ST6GALNAC3: variants seen among roughly 807,000 people sequenced by gnomAD.
ST6GALNAC3 encodes ST6 N-acetylgalactosaminide alpha-2,6-sialyltransferase 3, also known as alpha-N-acetylgalactosaminide alpha-2,6-sialyltransferase 3.
A neutral mutation model predicts 32.7 loss-of-function variants in ST6GALNAC3; 25 were observed. That is an observed-to-expected ratio of 0.76 (90% CI 0.56 to 1.07). ST6GALNAC3 has a LOEUF of 1.07. Ranked by LOEUF, ST6GALNAC3 falls within the 50% of genes least tolerant of loss-of-function variation. The pLI is 0.00. For missense variants in ST6GALNAC3, 355 were observed against 382.4 expected, an observed-to-expected ratio of 0.93 and a Z score of 0.60; for synonymous variants, 129 against 133.1, an observed-to-expected ratio of 0.97 and a Z score of 0.21.
chr1:76,367,777 G>A (rs866440428), intron 2 of ST6GALNAC3, among the ~76,000 whole-genome samples: 1 of 152,064 alleles, frequency 6.6e-6, no homozygotes, highest in African/African-American at 2.4e-5. Context: ...TGAAGCTACC[G>A]TCTAGAAACA....
chr1:76,625,506 A>T (rs1204103954), intron 3 of ST6GALNAC3, among the ~76,000 whole-genome samples: 2 of 151,956 alleles, frequency 1.3e-5, no homozygotes, highest in Non-Finnish European at 2.9e-5. Flanking sequence ...ATACAATTCC[A>T]TAGGAATAAT....
intron 3 of ST6GALNAC3, among the ~76,000 whole-genome samples, chr1:76,605,042 G>C (rs1647431362): frequency 6.6e-6 from 1 of 151,974 alleles, no homozygotes; most frequent in Admixed American, 6.6e-5. Flanking sequence ...GTTATTTCTT[G>C]TTAACATGAA....
At chr1:76,132,152 G>T (rs956440999) in intron 1 of ST6GALNAC3, among the ~76,000 whole-genome samples, 1 of 152,106 alleles carries the variant, frequency 6.6e-6, no homozygotes, top group Admixed American at 6.5e-5. Context: ...CCCCCACAGG[G>T]CACAGAGCTG....
chr1:76,204,571 G>A (rs961243771), intron 1 of ST6GALNAC3, among the ~76,000 whole-genome samples: 2 of 152,138 alleles, frequency 1.3e-5, no homozygotes, highest in African/African-American at 4.8e-5. Context: ...GTCCTTGGGT[G>A]TGGTTTTGAG....
intron 3 of ST6GALNAC3, among the ~76,000 whole-genome samples, chr1:76,553,478 C>T (rs898241047): frequency 6.6e-6 from 1 of 152,062 alleles, no homozygotes; most frequent in African/African-American, 2.4e-5. Flanking sequence ...TCAGGCTGGC[C>T]ATTTGTCTAA....
chr1:76,411,226 A>T (rs762776186), intron 2 of ST6GALNAC3, among the ~76,000 whole-genome samples: 3 of 152,156 alleles, frequency 2.0e-5, no homozygotes, highest in Non-Finnish European at 4.4e-5. Context: ...TTTGAATCTA[A>T]CACTGCAGCT....
intron 3 of ST6GALNAC3, among the ~76,000 whole-genome samples, chr1:76,572,288 A>G (rs1222513070): frequency 6.6e-6 from 1 of 152,152 alleles, no homozygotes; most frequent in Non-Finnish European, 1.5e-5. Context: ...AAGAGAATAT[A>G]GTTAACTTAG....
At chr1:76,166,365 C>CT (rs1652126467) in intron 1 of ST6GALNAC3, among the ~76,000 whole-genome samples, 1 of 151,874 alleles carries the variant, frequency 6.6e-6, no homozygotes, top group Admixed American at 6.6e-5. Context: ...TCTGTTTTCT[C>CT]TTTTTGTACC....
chr1:76,338,402 G>A (rs576563560), intron 2 of ST6GALNAC3, among the ~76,000 whole-genome samples: 74 of 152,180 alleles, frequency 4.9e-4, no homozygotes, highest in African/African-American at 1.7e-3. Context: ...TATAAATGAC[G>A]AACACATAAA....
At chr1:76,565,121 A>G (rs1665476435) in intron 3 of ST6GALNAC3, among the ~76,000 whole-genome samples, 1 of 152,056 alleles carries the variant, frequency 6.6e-6, no homozygotes, top group Non-Finnish European at 1.5e-5. Flanking sequence ...CTCTGATCTC[A>G]TGGAGGGTGC....
At chr1:76,284,038 G>A (rs1659644290) in intron 1 of ST6GALNAC3, among the ~76,000 whole-genome samples, 1 of 121,620 alleles carries the variant, frequency 8.2e-6, no homozygotes, top group Non-Finnish European at 1.8e-5. Context: ...TCAAACCAAT[G>A]GAAATGCCGG....
At chr1:76,082,507 G>A (rs1005679286) in intron 1 of ST6GALNAC3, among the ~76,000 whole-genome samples, 1 of 152,154 alleles carries the variant, frequency 6.6e-6, no homozygotes, top group East Asian at 1.9e-4. Flanking sequence ...GCAGGAGAGT[G>A]GGCCTAGGAA....
chr1:76,221,773 T>TC (rs1446725642), intron 1 of ST6GALNAC3, among the ~76,000 whole-genome samples: 2 of 152,184 alleles, frequency 1.3e-5, no homozygotes, highest in African/African-American at 4.8e-5. Flanking sequence ...CTCTTTATGC[T>TC]CCCTACAATG....
intron 1 of ST6GALNAC3, among the ~76,000 whole-genome samples, chr1:76,203,474 C>T (rs1654645782): frequency 1.3e-5 from 2 of 152,122 alleles, no homozygotes; most frequent in Admixed American, 1.3e-4. Flanking sequence ...GTGGTATAGA[C>T]CCTGCTCTAC....
At chr1:76,247,394 T>C (rs945326844) in intron 1 of ST6GALNAC3, among the ~76,000 whole-genome samples, 8 of 152,168 alleles carry the variant, frequency 5.3e-5, no homozygotes. Context: ...CAGGAGAGAT[T>C]AAGTCCACAG....
intron 3 of ST6GALNAC3, among the ~76,000 whole-genome samples, chr1:76,427,317 T>A (rs1226445568): frequency 6.6e-6 from 1 of 152,006 alleles, no homozygotes; most frequent in Non-Finnish European, 1.5e-5. Flanking sequence ...TGAGTATTTC[T>A]CAAATGTGCT....
At chr1:76,316,782 T>C (rs1646874556) in intron 2 of ST6GALNAC3, among the ~76,000 whole-genome samples, 1 of 152,088 alleles carries the variant, frequency 6.6e-6, no homozygotes, top group Non-Finnish European at 1.5e-5. Context: ...TGTATGTCTA[T>C]TTTATTAAAA....
chr1:76,476,391 A>T (rs1201882844), intron 3 of ST6GALNAC3, among the ~76,000 whole-genome samples: 1 of 152,188 alleles, frequency 6.6e-6, no homozygotes, highest in Non-Finnish European at 1.5e-5. Context: ...CATAGACTGT[A>T]GTTTGCTGAC....
intron 2 of ST6GALNAC3, among the ~76,000 whole-genome samples, chr1:76,344,276 G>A (rs941354969): frequency 1.3e-5 from 2 of 152,142 alleles, no homozygotes; most frequent in Admixed American, 6.5e-5. Context: ...CTTCTGGGAA[G>A]ACATGAAAGC....
Sources: allele counts gnomAD v4.1 joint callset (sites outside exome capture counted in the v4.1 genomes callset), GRCh38; gene constraint gnomAD v4.1.1; transcripts MANE v1.5; gene names NCBI Gene and HGNC (gene_info 2026-07-23, HGNC 2026-07-21).